The following MLLT1 variants were observed in gnomAD, a reference collection of about 807,000 sequenced individuals.
The protein encoded by MLLT1 is protein ENL.
A neutral mutation model predicts 55.1 loss-of-function variants in MLLT1; 11 were observed. The ratio of observed to expected loss-of-function variants is 0.20; its 90% CI spans 0.13 to 0.33. MLLT1 has a LOEUF of 0.33. MLLT1 is among the 10% of genes least tolerant of loss of function. The pLI, the probability that MLLT1 is intolerant of heterozygous loss-of-function variation, is 1.00. For synonymous variants in MLLT1, 323 were observed against 320.1 expected (o/e 1.01, Z -0.10); for missense variants, 536 against 760.6 (o/e 0.70, Z 3.47).
Position 6,213,733 on chromosome 19 carries a change from T to C in MLLT1, c.1472A>G (p.Tyr491Cys). Residue 491 changes from tyrosine to cysteine, a missense_variant, in exon 10 of 12, where the codon TAC (tyrosine) becomes TGC (cysteine). Coordinates refer to ENST00000252674, the MANE Select transcript of MLLT1 (RefSeq NM_005934.4). The stretch of plus-strand genomic sequence containing the variant: ...TCGTAGGTGCCCCCCCACCTTGTCG[T>C]AGGTGCCCTTCTTGAGGATCTTCTC... ...KPEKILKKGT[Y>C]DKAYTDELVE... 6.6e-7 allele frequency: 1 copy of C among 1,524,370 alleles called. No individual in the cohort carries two copies. Among genetic ancestry groups the C allele is most frequent in the Non-Finnish European group, 8.9e-7 (1 of 1,126,722 alleles). 94.4% of individuals were successfully genotyped at this position (1,524,370 alleles called of 1,614,324 possible). A position where few individuals can be genotyped will look rare whatever the true frequency, so the allele number is the denominator to read the frequency against.
intron 3 of MLLT1, among the ~76,000 whole-genome samples, chr19:6,249,469 G>A (rs117704623): frequency 5.9e-5 from 9 of 152,134 alleles, no homozygotes; most frequent in African/African-American, 1.9e-4. Flanking sequence ...CTGAGGAACC[G>A]ATTTATTCAT....
At chr19:6,214,876 C>T (rs996477504) in intron 8 of MLLT1, among the ~76,000 whole-genome samples, 2 of 152,184 alleles carry the variant, frequency 1.3e-5, no homozygotes, top group Non-Finnish European at 2.9e-5. Flanking sequence ...CAGCCATTGT[C>T]CCTGTTCCTG....
intron 5 of MLLT1, among the ~76,000 whole-genome samples, chr19:6,223,418 C>T (rs2090923871): frequency 6.6e-6 from 1 of 152,186 alleles, no homozygotes; most frequent in Admixed American, 6.5e-5. Context: ...TAGGGTGGAG[C>T]TGGACTCGGG....
intron 6 of MLLT1, among the ~76,000 whole-genome samples, chr19:6,220,517 TC>T (rs2090887837): frequency 6.6e-6 from 1 of 152,100 alleles, no homozygotes; most frequent in South Asian, 2.1e-4. Context: ...GGCAGGAAGC[TC>T]CCCACAAAAT....
In MLLT1 at chr19:6,262,224, C is replaced by T. The variant is rs1246016538; in HGVS notation, c.276+4G>A. 4 of 1,613,350 alleles carry T rather than the reference C, an allele frequency of 2.5e-6. No homozygotes were observed. The African/African-American group carries it at 4.0e-5, about 16-fold the overall frequency. On this transcript the variant is annotated splice_donor_region_variant and intron_variant, in intron 3 of 11. Transcript: ENST00000252674. The surrounding 1 kb of genome is among the most constrained non-coding windows in gnomAD (Gnocchi z 4.4). ...ATCCTGCTTGCTCCCCTCAGGGATCCTACCTTGTTTTTGAAGTGCACCTCG... is the reference window on the plus strand; with the variant it reads ...ATCCTGCTTGCTCCCCTCAGGGATCTTACCTTGTTTTTGAAGTGCACCTCG...
chr19:6,233,531 T>C (rs1467957699), intron 3 of MLLT1, among the ~76,000 whole-genome samples: 2 of 152,060 alleles, frequency 1.3e-5, no homozygotes, highest in African/African-American at 4.8e-5. Context: ...CAGGCTTGGG[T>C]AAGGACATGG....
chr19:6,264,357 G>A (rs2091329369), intron 2 of MLLT1, among the ~76,000 whole-genome samples: 1 of 151,376 alleles, frequency 6.6e-6, no homozygotes, highest in South Asian at 2.1e-4. Context: ...GTGGAAACCA[G>A]ACCCCGAGGA....
rs549158045 is a variant in MLLT1, at chr19:6,212,268, C to G, written c.*774G>C. The G allele has an allele frequency of 9.4e-7, 1 of 1,065,508 alleles. No homozygotes were observed. The highest frequency in any genetic ancestry group is 1.6e-5 in the African/African-American group (1 of 61,096). 66.0% of individuals were successfully genotyped at this position (1,065,508 alleles called of 1,614,324 possible). ...TGTTGGCTGACCCCCCCGGGAGCCC[C>G]GGTAGGAGGCGGCGGCATCCTTGGA... is the stretch of plus-strand genomic sequence containing the variant. On this transcript the variant is annotated 3_prime_UTR_variant, in exon 12 of 12. Transcript: ENST00000252674.
intron 3 of MLLT1, among the ~76,000 whole-genome samples, chr19:6,257,445 C>T (rs2091266912): frequency 6.7e-6 from 1 of 149,564 alleles, no homozygotes; most frequent in Non-Finnish European, 1.5e-5. Flanking sequence ...TTTGAAATCA[C>T]ATACCCAAAA....
At position 6,230,765 on chromosome 19, in the gene MLLT1, G is replaced by A; in HGVS notation, c.277-52C>T. Reference sequence around the variant, plus strand: ...GCATCAGAGGGTGGCCGTGGTGCAGGGACACAGCTCCCCATTGGCCCTGGT... The same window carrying A: ...GCATCAGAGGGTGGCCGTGGTGCAGAGACACAGCTCCCCATTGGCCCTGGT... On this transcript the variant is annotated intron_variant, in intron 3 of 11. Coordinates refer to ENST00000252674, the MANE Select transcript of MLLT1 (RefSeq NM_005934.4). This position sits in a 1 kb window ranked among gnomAD's most constrained non-coding sequence, Gnocchi z 9.0. 6.2e-7 allele frequency: 1 copy of A among 1,603,888 alleles called. No individual in the cohort carries two copies. Among genetic ancestry groups the A allele is most frequent in the Non-Finnish European group, 8.5e-7 (1 of 1,173,760 alleles).
rs1488987791 is a variant in MLLT1 at position 6,222,105 on chromosome 19, C to T, written c.1110+16G>A. The T allele has an allele frequency of 2.7e-6, 4 of 1,496,830 alleles. No homozygotes were observed. Among genetic ancestry groups the T allele is most frequent in the Non-Finnish European group, 3.6e-6 (4 of 1,121,142 alleles). 92.7% of individuals were successfully genotyped at this position (1,496,830 alleles called of 1,614,324 possible). A position where few individuals can be genotyped will look rare whatever the true frequency, so the allele number is the denominator to read the frequency against. ...ACTGCCTGCACCTGGCTGCCCTGCC[C>T]CCAGCACTCACTCACCTCGGACTTG... On this transcript the variant is annotated intron_variant, in intron 6 of 11. Transcript: ENST00000252674. The surrounding 1 kb of genome is among the most constrained non-coding windows in gnomAD (Gnocchi z 4.1).
intron 2 of MLLT1, among the ~76,000 whole-genome samples, chr19:6,266,440 C>T (rs531909983): frequency 3.3e-5 from 5 of 152,054 alleles, no homozygotes; most frequent in Non-Finnish European, 2.9e-5. Flanking sequence ...TTACTGCCCA[C>T]GTCTTATAAA....
At chr19:6,221,240 G>A (rs1443317197) in intron 6 of MLLT1, among the ~76,000 whole-genome samples, 1 of 152,192 alleles carries the variant, frequency 6.6e-6, no homozygotes, top group Non-Finnish European at 1.5e-5. Flanking sequence ...AGAGGTAAAT[G>A]GCCCAACCCT....
intron 3 of MLLT1, among the ~76,000 whole-genome samples, chr19:6,247,635 C>T (rs571808209): frequency 1.2e-3 from 183 of 152,236 alleles, no homozygotes; most frequent in Non-Finnish European, 2.2e-3. Flanking sequence ...ACCAGTAGGC[C>T]ACCACTGGGG....
chr19:6,268,641 G>A (rs992572902), intron 2 of MLLT1, among the ~76,000 whole-genome samples: 2 of 152,186 alleles, frequency 1.3e-5, no homozygotes, highest in Non-Finnish European at 2.9e-5. Flanking sequence ...CAATGCCACA[G>A]AGTGTGAGCT....
chr19:6,211,862 G>C lies in MLLT1; in HGVS notation c.*1180C>G, dbSNP rs181563471. 2 of 1,064,212 alleles carry C rather than the reference G, an allele frequency of 1.9e-6. No homozygotes were observed. Among genetic ancestry groups the C allele is most frequent in the Non-Finnish European group, 2.3e-6 (2 of 878,548 alleles). 65.9% of individuals were successfully genotyped at this position (1,064,212 alleles called of 1,614,324 possible). On this transcript the variant is annotated 3_prime_UTR_variant, in exon 12 of 12. Coordinates refer to ENST00000252674, the MANE Select transcript of MLLT1 (RefSeq NM_005934.4). The surrounding 1 kb of genome is among the most constrained non-coding windows in gnomAD (Gnocchi z 4.6). The stretch of plus-strand genomic sequence containing the variant: ...TCAGGCATACCAGGAGTGGGGCTGC[G>C]GGCGCGGCACCAGCATGAATTGCGG...
intron 3 of MLLT1, among the ~76,000 whole-genome samples, chr19:6,248,202 A>T (rs77353826): frequency 0.023 from 3,453 of 152,260 alleles, 123 homozygotes; most frequent in East Asian, 0.13. Flanking sequence ...ATTTTGGAGC[A>T]TTTTTTATTT....
chr19:6,267,294 G>A (rs1267680687), intron 2 of MLLT1, among the ~76,000 whole-genome samples: 4 of 151,658 alleles, frequency 2.6e-5, no homozygotes, highest in African/African-American at 4.9e-5. Context: ...AGTAGAGACC[G>A]AGTTTCAGCA....
Position 6,214,014 on chromosome 19 carries a change from A to G in MLLT1, c.1332T>C (p.Ser444=). 2.9e-6 allele frequency: 4 copies of G among 1,397,654 alleles called. No individual in the cohort carries two copies. The highest frequency in any genetic ancestry group is 5.4e-5 in the East Asian group (2 of 37,292). The allele number at this position is 1,397,654 out of a possible 1,614,324, so 86.6% of individuals were successfully genotyped here. Residue 444 remains serine (S), a synonymous_variant, in exon 9 of 12, where the codon AGT becomes AGC. Transcript: ENST00000252674. ...DSRLSFSDSE[S]DNSADSSLPS... Reference sequence around the variant, plus strand: ...GCAGGGAGGAGTCGGCGCTGTTGTCACTCTCGCTGTCGCTGAAGCTCAACC... The same window carrying G: ...GCAGGGAGGAGTCGGCGCTGTTGTCGCTCTCGCTGTCGCTGAAGCTCAACC...
Sources: allele counts gnomAD v4.1 joint callset (sites outside exome capture counted in the v4.1 genomes callset), GRCh38; gene constraint gnomAD v4.1.1; non-coding constraint Gnocchi (gnomAD v3.1); transcripts MANE v1.5; gene names NCBI Gene and HGNC (gene_info 2026-07-23, HGNC 2026-07-21).